Variants in APBA2 observed in about 807,000 individuals in gnomAD.
APBA2 encodes amyloid-beta A4 precursor protein-binding family A member 2.
In APBA2, 30 loss-of-function variants were observed where a neutral mutation model predicts 75.0. The observed-to-expected ratio is 0.40, with a 90% CI of 0.30 to 0.54. The LOEUF is 0.54. Ranked by LOEUF, APBA2 falls within the 20% of genes least tolerant of loss-of-function variation. The pLI is 0.49. For synonymous variants in APBA2, 444 were observed against 409.6 expected, an observed-to-expected ratio of 1.08 and a Z score of -1.01; for missense variants, 801 against 1,016.1, an observed-to-expected ratio of 0.79 and a Z score of 2.88.
At chr15:29,020,393 T>A in intron 3 of APBA2, among the ~76,000 whole-genome samples, 1 of 152,148 alleles carries the variant, frequency 6.6e-6, no homozygotes, top group Non-Finnish European at 1.5e-5. Flanking sequence ...ATTCTTTTCC[T>A]TTTTCTTAGT....
At chr15:28,901,946 T>TGTGTGTG (rs1440362339) in intron 1 of APBA2, among the ~76,000 whole-genome samples, 1 of 16,568 alleles carries the variant, frequency 6.0e-5, no homozygotes, top group African/African-American at 2.5e-4. Context: ...GTGTGTATGT[T>TGTGTGTG]GGGGGTCTGG....
At chr15:29,099,890 C>T (rs1468200435) in intron 9 of APBA2, among the ~76,000 whole-genome samples, 4 of 152,226 alleles carry the variant, frequency 2.6e-5, no homozygotes, top group Non-Finnish European at 4.4e-5. Context: ...GTAACTCTTC[C>T]GCTGGATCCT....
intron 4 of APBA2, among the ~76,000 whole-genome samples, chr15:29,055,051 C>G (rs1208876302): frequency 6.6e-6 from 1 of 152,186 alleles, no homozygotes; most frequent in Non-Finnish European, 1.5e-5. Flanking sequence ...AGGACTAAAG[C>G]CGGTTGAGGG....
Position 29,117,740 on chromosome 15 carries a change from T to C in APBA2, c.*607T>C, listed in dbSNP as rs1348109574. On this transcript the variant is annotated 3_prime_UTR_variant, in exon 15 of 15. Transcript: ENST00000683413. ...AAACTCCATATTTATTTAGATGCTA[T>C]TATTACTGTTTGGACTTTTATTTTG... 2 of 154,054 alleles carry C rather than the reference T, an allele frequency of 1.3e-5. No individual in the cohort carries two copies. Among genetic ancestry groups the C allele is most frequent in the Non-Finnish European group, 2.9e-5 (2 of 69,370 alleles). The allele number at this position is 154,054 out of a possible 1,614,324, so 9.5% of individuals were successfully genotyped here.
intron 2 of APBA2, among the ~76,000 whole-genome samples, chr15:28,933,197 C>T (rs8025291): frequency 0.037 from 5,598 of 152,142 alleles, 367 homozygotes; most frequent in African/African-American, 0.13. Flanking sequence ...ATTGTTGCAT[C>T]GGGGATTAGG....
intron 2 of APBA2, among the ~76,000 whole-genome samples, chr15:28,943,424 C>G (rs2035349883): frequency 6.6e-6 from 1 of 152,228 alleles, no homozygotes; most frequent in Non-Finnish European, 1.5e-5. Context: ...CATCTGTGCC[C>G]TGCATCTGCG....
Position 28,991,995 on chromosome 15 carries a change from C to A in APBA2, c.-94-3758C>A, listed in dbSNP as rs1378639760. Among the ~76,000 whole-genome samples the A allele has an allele frequency of 6.6e-6, 1 of 152,118 alleles. No homozygotes were observed. The highest frequency in any genetic ancestry group is 1.5e-5 in the Non-Finnish European group (1 of 68,030). ...AGCTAGAGGAAGGAGTGTGATTGTGCCTTCCCGGGACAGCTTCCAGGTCTG... is the reference window on the plus strand; with the variant it reads ...AGCTAGAGGAAGGAGTGTGATTGTGACTTCCCGGGACAGCTTCCAGGTCTG... On this transcript the variant is annotated intron_variant, in intron 2 of 14. Transcript: ENST00000683413. The surrounding 1 kb of genome is among the most constrained non-coding windows in gnomAD (Gnocchi z 4.7).
chr15:28,971,916 G>A lies in APBA2; in HGVS notation c.-94-23837G>A, dbSNP rs117255866. On this transcript the variant is annotated intron_variant, in intron 2 of 14. Coordinates refer to ENST00000683413, the MANE Select transcript of APBA2 (RefSeq NM_001353788.2). Reference sequence around the variant, plus strand: ...ACTGTAAGAAAAAGAAATAGAAAATGTGTAGCAAAATGCTGGACATGAAAA... The same window carrying A: ...ACTGTAAGAAAAAGAAATAGAAAATATGTAGCAAAATGCTGGACATGAAAA... 5.5e-3 allele frequency among the ~76,000 whole-genome samples: 831 copies of A among 152,258 alleles called. 3 individuals carry two copies. The highest frequency in any genetic ancestry group is 0.014 in the Admixed American group (217 of 15,296).
At chr15:29,033,051 A>G (rs1442315462) in intron 3 of APBA2, among the ~76,000 whole-genome samples, 1 of 152,198 alleles carries the variant, frequency 6.6e-6, no homozygotes, top group Non-Finnish European at 1.5e-5. Flanking sequence ...TCCAAGCTGC[A>G]TCACTCAGGG....
At chr15:29,071,733 A>G (rs563340711) in intron 4 of APBA2, among the ~76,000 whole-genome samples, 1 of 151,310 alleles carries the variant, frequency 6.6e-6, no homozygotes, top group South Asian at 2.1e-4. Context: ...AAGCATCACA[A>G]GCCCACCCTC....
In APBA2 at chr15:29,009,892, G is replaced by T. The variant is rs189012026; in HGVS notation, c.-41+14086G>T. ...ACTGTTACACATTTGTTGTACACATGATTGCATTTCTATTGAGGGTACATC... is the reference window on the plus strand; with the variant it reads ...ACTGTTACACATTTGTTGTACACATTATTGCATTTCTATTGAGGGTACATC... On this transcript the variant is annotated intron_variant, in intron 3 of 14. Transcript: ENST00000683413. Among the ~76,000 whole-genome samples, 20 of 152,280 alleles carry T rather than the reference G, an allele frequency of 1.3e-4. No homozygotes were observed. In the East Asian group the frequency reaches 3.5e-3, roughly 26 times the overall value.
intron 3 of APBA2, among the ~76,000 whole-genome samples, chr15:29,004,623 T>C (rs914833448): frequency 6.6e-6 from 1 of 152,182 alleles, no homozygotes; most frequent in Non-Finnish European, 1.5e-5. Flanking sequence ...ACCACTGGCA[T>C]AACGCACGGC....
At chr15:28,975,975 TC>T (rs1177100394) in intron 2 of APBA2, among the ~76,000 whole-genome samples, 1 of 152,224 alleles carries the variant, frequency 6.6e-6, no homozygotes, top group African/African-American at 2.4e-5. Context: ...CATGCCTCCT[TC>T]CTGAATTTAC....
chr15:29,000,502 G>A (rs564951963), intron 3 of APBA2, among the ~76,000 whole-genome samples: 16 of 152,290 alleles, frequency 1.1e-4, no homozygotes, highest in Admixed American at 5.9e-4. Context: ...TCTTGCTCCC[G>A]TCTTGCTGGT....
chr15:28,966,302 C>G (rs1303030650), intron 2 of APBA2, among the ~76,000 whole-genome samples: 1 of 151,854 alleles, frequency 6.6e-6, no homozygotes, highest in African/African-American at 2.4e-5. Context: ...ACTGACATCC[C>G]CAAATATTAT....
chr15:29,094,417 G>C, intron 8 of APBA2, 104 bp downstream of exon 8: 1 of 1,116,352 alleles, frequency 9.0e-7, no homozygotes, highest in Non-Finnish European at 1.4e-6. Context: ...TCTAAATAAT[G>C]TTGCAAAGCA....
intron 2 of APBA2, among the ~76,000 whole-genome samples, chr15:28,941,687 C>T (rs759545228): frequency 1.3e-5 from 2 of 152,110 alleles, no homozygotes; most frequent in South Asian, 2.1e-4. Context: ...CTGGAGTGGC[C>T]GGTAGGGCCC....
intron 3 of APBA2, among the ~76,000 whole-genome samples, chr15:29,028,101 G>A (rs4779700): frequency 1.3e-5 from 2 of 151,500 alleles, no homozygotes; most frequent in Non-Finnish European, 2.9e-5. Flanking sequence ...ACCCATCACC[G>A]AGGTATTAAG....
chr15:29,108,596 G>A, intron 13 of APBA2: 1 of 742,318 alleles, frequency 1.3e-6, no homozygotes, highest in South Asian at 1.8e-5. Context: ...CCAGGGCATG[G>A]CCGTGGATTG....
Sources: allele counts gnomAD v4.1 joint callset (sites outside exome capture counted in the v4.1 genomes callset), GRCh38; gene constraint gnomAD v4.1.1; non-coding constraint Gnocchi (gnomAD v3.1); transcripts MANE v1.5; gene names NCBI Gene and HGNC (gene_info 2026-07-23, HGNC 2026-07-21).